SDHAF3: variants seen among roughly 807,000 people sequenced by gnomAD.
SDHAF3 encodes succinate dehydrogenase assembly factor 3, mitochondrial.
A neutral mutation model predicts 11.5 loss-of-function variants in SDHAF3; 18 were observed. The observed-to-expected ratio is 1.56, with a 90% CI of 1.08 to 2.32. SDHAF3 has a LOEUF of 2.32. Ranked by LOEUF, SDHAF3 falls within the 30% of genes most tolerant of loss-of-function variation. The pLI is 0.00. For missense variants in SDHAF3, 200 were observed against 154.4 expected, an observed-to-expected ratio of 1.30 and a Z score of -1.57; for synonymous variants, 72 against 59.3, an observed-to-expected ratio of 1.21 and a Z score of -0.99.
chr7:97,152,960 G>T (rs1225793584), intron 1 of SDHAF3, among the ~76,000 whole-genome samples: 1 of 152,184 alleles, frequency 6.6e-6, no homozygotes, highest in Non-Finnish European at 1.5e-5. Context: ...CACTGCATCT[G>T]GCCCTGAGCC....
At position 97,146,308 on chromosome 7, in the gene SDHAF3, A is replaced by C. The variant is rs1010339750; in HGVS notation, c.174+28411A>C. Among the ~76,000 whole-genome samples the C allele has an allele frequency of 3.9e-5, 6 of 152,244 alleles. No homozygotes were observed. In the South Asian group the frequency reaches 1.0e-3, roughly 26 times the overall value. ...CATTTGTGGGAGTAAAAGAAGCACT[A>C]AAATCACATCATACACACATTTTTG... On this transcript the variant is annotated intron_variant, in intron 1 of 1. Transcript: ENST00000432641.
chr7:97,157,965 G>C (rs1789329627), intron 1 of SDHAF3, among the ~76,000 whole-genome samples: 1 of 121,294 alleles, frequency 8.2e-6, no homozygotes, highest in Non-Finnish European at 1.7e-5. Flanking sequence ...GGCCTGTTGT[G>C]GGGTGGGGGG....
intron 1 of SDHAF3, among the ~76,000 whole-genome samples, chr7:97,169,773 CTTTATGTT>C (rs1358735202): frequency 6.6e-6 from 1 of 151,910 alleles, no homozygotes; most frequent in Non-Finnish European, 1.5e-5. Context: ...GTTTTGAACT[CTTTATGTT>C]TTTAATGTCT....
intron 1 of SDHAF3, among the ~76,000 whole-genome samples, chr7:97,134,273 T>G (rs1486250531): frequency 1.3e-5 from 2 of 152,234 alleles, no homozygotes; most frequent in Non-Finnish European, 2.9e-5. Context: ...TGCCTCACAC[T>G]TCCAATCATG....
chr7:97,157,106 T>TA (rs1433442144), intron 1 of SDHAF3, among the ~76,000 whole-genome samples: 1 of 152,198 alleles, frequency 6.6e-6, no homozygotes, highest in Non-Finnish European at 1.5e-5. Context: ...TTTTTCCCCT[T>TA]ACCCTAGTGG....
intron 1 of SDHAF3, among the ~76,000 whole-genome samples, chr7:97,155,426 C>T (rs1789287138): frequency 6.6e-6 from 1 of 152,110 alleles, no homozygotes; most frequent in Non-Finnish European, 1.5e-5. Context: ...TTAGCTTGGC[C>T]AACTTCTTAT....
intron 1 of SDHAF3, among the ~76,000 whole-genome samples, chr7:97,118,995 A>G (rs1399817675): frequency 6.6e-6 from 1 of 152,166 alleles, no homozygotes; most frequent in Non-Finnish European, 1.5e-5. Flanking sequence ...CTTTATTTTA[A>G]TAAGGTAATT....
chr7:97,123,486 T>C (rs1044275777), intron 1 of SDHAF3, among the ~76,000 whole-genome samples: 1 of 152,206 alleles, frequency 6.6e-6, no homozygotes, highest in Non-Finnish European at 1.5e-5. Flanking sequence ...AGTAGAATGA[T>C]TTATAATCCT....
intron 1 of SDHAF3, among the ~76,000 whole-genome samples, chr7:97,154,095 A>T (rs1162699536): frequency 6.6e-6 from 1 of 151,204 alleles, no homozygotes; most frequent in African/African-American, 2.4e-5. Flanking sequence ...GTTAGGAGCA[A>T]TGTTTTGCAG....
intron 1 of SDHAF3, among the ~76,000 whole-genome samples, chr7:97,124,268 G>T (rs573159513): frequency 6.6e-6 from 1 of 152,252 alleles, no homozygotes; most frequent in Admixed American, 6.5e-5. Context: ...CCCATTGCTT[G>T]TTTTTGTCAG....
At chr7:97,133,619 G>A (rs781132794) in intron 1 of SDHAF3, among the ~76,000 whole-genome samples, 11 of 151,986 alleles carry the variant, frequency 7.2e-5, no homozygotes, top group African/African-American at 2.2e-4. Context: ...ACTATTACAC[G>A]TGTTAATGGA....
intron 1 of SDHAF3, among the ~76,000 whole-genome samples, chr7:97,137,032 T>G (rs900428228): frequency 6.6e-6 from 1 of 152,186 alleles, no homozygotes; most frequent in Non-Finnish European, 1.5e-5. Context: ...TTTTGTTTTG[T>G]TTTTGGTTGT....
chr7:97,139,318 C>T (rs143433027), intron 1 of SDHAF3, among the ~76,000 whole-genome samples: 1 of 152,226 alleles, frequency 6.6e-6, no homozygotes, highest in South Asian at 2.1e-4. Flanking sequence ...CCCCCACACC[C>T]GGAGATGGGC....
At chr7:97,175,715 A>G (rs1485431441) in intron 1 of SDHAF3, among the ~76,000 whole-genome samples, 1 of 152,240 alleles carries the variant, frequency 6.6e-6, no homozygotes, top group South Asian at 2.1e-4. Flanking sequence ...TATCACTGAC[A>G]AACTGGTACT....
chr7:97,175,558 G>A (rs1374086821), intron 1 of SDHAF3, among the ~76,000 whole-genome samples: 1 of 152,138 alleles, frequency 6.6e-6, no homozygotes, highest in Non-Finnish European at 1.5e-5. Context: ...CCAAAGCTCT[G>A]GGATTACAGG....
chr7:97,124,602 G>A (rs916367356), intron 1 of SDHAF3, among the ~76,000 whole-genome samples: 3 of 152,062 alleles, frequency 2.0e-5, no homozygotes, highest in African/African-American at 7.2e-5. Context: ...GGCCATTTTA[G>A]CAATATTAAT....
At chr7:97,119,035 G>C (rs558788533) in intron 1 of SDHAF3, among the ~76,000 whole-genome samples, 27 of 152,294 alleles carry the variant, frequency 1.8e-4, no homozygotes, top group African/African-American at 6.5e-4. Flanking sequence ...ACTGGATTCA[G>C]ATTCAGTCTC....
intron 1 of SDHAF3, among the ~76,000 whole-genome samples, chr7:97,141,557 A>C (rs768040064): frequency 4.1e-4 from 62 of 152,134 alleles, no homozygotes; most frequent in Non-Finnish European, 6.0e-4. Context: ...ATCGGGGGTG[A>C]ATTTCCCCCG....
intron 1 of SDHAF3, among the ~76,000 whole-genome samples, chr7:97,150,562 C>CTTT (rs34184405): frequency 1.1e-4 from 12 of 104,746 alleles, no homozygotes; most frequent in African/African-American, 4.3e-4. Flanking sequence ...TCTTTTTTTC[C>CTTT]TTTTTTTTTT....
Sources: gnomAD v4.1 joint callset for allele counts (sites outside exome capture counted in the v4.1 genomes callset) on GRCh38, gnomAD v4.1.1 for gene constraint, MANE v1.5 for transcripts, NCBI Gene and HGNC (gene_info 2026-07-23, HGNC 2026-07-21) for gene names.